Variants in RRM1 observed in about 807,000 individuals in gnomAD.
The protein encoded by RRM1 is ribonucleotide reductase catalytic subunit M1.
Under a neutral mutation model 101.5 loss-of-function variants are expected in RRM1, and 19 were observed. That is an observed-to-expected ratio of 0.19 (90% CI 0.13 to 0.27). The LOEUF (loss-of-function observed/expected upper bound fraction) is 0.27. Ranked by LOEUF, RRM1 falls within the 10% of genes least tolerant of loss-of-function variation. The pLI, the probability that RRM1 is intolerant of heterozygous loss-of-function variation, is 1.00. For synonymous variants in RRM1, 298 were observed against 323.4 expected (o/e 0.92, Z 0.84); for missense variants, 500 against 962.9 (o/e 0.52, Z 6.36).
chr11:4,118,489 G>A lies in RRM1; in HGVS notation c.792+28G>A. 1.9e-6 allele frequency: 3 copies of A among 1,613,102 alleles called. No homozygotes were observed. The South Asian group carries it at 3.3e-5, about 18-fold the overall frequency. On this transcript the variant is annotated intron_variant, in intron 8 of 18. Coordinates refer to ENST00000300738, the MANE Select transcript of RRM1 (RefSeq NM_001033.5). ...AGGTTTCTGCCATTTGACTTTTAAAGGGGGATTCAAGTCTAAAAGCAAACA... is the reference window on the plus strand; with the variant it reads ...AGGTTTCTGCCATTTGACTTTTAAAAGGGGATTCAAGTCTAAAAGCAAACA...
chr11:4,096,638 A>G (rs976547652), intron 1 of RRM1, among the ~76,000 whole-genome samples: 5 of 152,024 alleles, frequency 3.3e-5, no homozygotes, highest in African/African-American at 4.8e-5. Context: ...CTGAGCATCT[A>G]TTTTTGTATT....
chr11:4,120,202 T>G (rs1294165174), intron 9 of RRM1, among the ~76,000 whole-genome samples: 2 of 152,200 alleles, frequency 1.3e-5, no homozygotes, highest in Non-Finnish European at 2.9e-5. Context: ...TACCTTTACA[T>G]TCAGTCACCC....
intron 1 of RRM1, among the ~76,000 whole-genome samples, chr11:4,097,161 C>G (rs964990749): frequency 1.3e-5 from 2 of 151,156 alleles, no homozygotes; most frequent in African/African-American, 4.9e-5. Context: ...TGGTTTGCAC[C>G]TGTAATCCCA....
chr11:4,122,340 CTA>C (rs2094583019), intron 11 of RRM1, 120 bp downstream of exon 11: 2 of 708,378 alleles, frequency 2.8e-6, no homozygotes, highest in Admixed American at 6.4e-5. Flanking sequence ...GAAAAAGTGA[CTA>C]ATAATTTTGG....
intron 7 of RRM1, among the ~76,000 whole-genome samples, chr11:4,114,578 GC>G (rs2094570141): frequency 6.6e-6 from 1 of 151,290 alleles, no homozygotes; most frequent in Non-Finnish European, 1.5e-5. Context: ...GAATATGAAG[GC>G]CTAGTACATT....
Position 4,109,659 on chromosome 11 carries a change from A to G in RRM1, c.403A>G (p.Ile135Val). The G allele has an allele frequency of 6.2e-7, 1 of 1,609,768 alleles. No individual in the cohort carries two copies. Among genetic ancestry groups the G allele is most frequent in the Non-Finnish European group, 8.5e-7 (1 of 1,177,986 alleles). ...LANKDRLNSA[I>V]IYDRDFSYNY... ...CCCCTATCAGCGCCTGAATTCTGCT[A>G]TTATCTATGACCGAGATTTCTCTTA... is the stretch of plus-strand genomic sequence containing the variant. The change falls in exon 5 of 19, where the codon ATT (isoleucine) becomes GTT (valine). Residue 135 changes from isoleucine to valine, a missense_variant. Coordinates refer to ENST00000300738, the MANE Select transcript of RRM1 (RefSeq NM_001033.5).
rs5789320 is a variant in RRM1 at position 4,113,117 on chromosome 11, TAA to T, written c.650+1065_650+1066del. Reference sequence around the variant, plus strand: ...GAACACTAACGGTCTGGTAATACATTAAAAAAAAAAATATGCCATTATCAAGT... The same window carrying T: ...GAACACTAACGGTCTGGTAATACATTAAAAAAAAATATGCCATTATCAAGT... On this transcript the variant is annotated intron_variant, in intron 7 of 18. Coordinates refer to ENST00000300738, the MANE Select transcript of RRM1 (RefSeq NM_001033.5). Among the ~76,000 whole-genome samples the T allele has an allele frequency of 2.9e-3, 439 of 150,090 alleles. 2 individuals carry two copies. The highest frequency in any genetic ancestry group is 0.01 in the African/African-American group (413 of 40,910).
chr11:4,110,635 G>C (rs2094564051), intron 5 of RRM1, among the ~76,000 whole-genome samples: 1 of 151,642 alleles, frequency 6.6e-6, no homozygotes, highest in Non-Finnish European at 1.5e-5. Flanking sequence ...TGGGCATGGT[G>C]GTGCATGCCT....
At chr11:4,124,800 C>T (rs2094586912) in intron 12 of RRM1, among the ~76,000 whole-genome samples, 1 of 150,942 alleles carries the variant, frequency 6.6e-6, no homozygotes, top group Admixed American at 6.6e-5. Flanking sequence ...AGCTATAATT[C>T]ACTCTTTTTA....
chr11:4,117,057 C>A (rs2094574711), intron 7 of RRM1, among the ~76,000 whole-genome samples: 1 of 151,780 alleles, frequency 6.6e-6, no homozygotes, highest in Non-Finnish European at 1.5e-5. Flanking sequence ...GAAGAAGAAA[C>A]TTGATTGGCT....
intron 12 of RRM1, among the ~76,000 whole-genome samples, chr11:4,123,905 CA>C (rs1180971048): frequency 5.3e-5 from 8 of 152,124 alleles, no homozygotes; most frequent in African/African-American, 1.9e-4. Context: ...ATTCTAATCT[CA>C]AGTCTGTAAA....
chr11:4,108,671 G>C (rs1204436910), intron 4 of RRM1, among the ~76,000 whole-genome samples: 1 of 151,036 alleles, frequency 6.6e-6, no homozygotes, highest in African/African-American at 2.4e-5. Flanking sequence ...AAAGAGACTA[G>C]GAGAAAACTG....
chr11:4,117,162 C>G (rs561833696), intron 7 of RRM1, among the ~76,000 whole-genome samples: 1 of 152,280 alleles, frequency 6.6e-6, no homozygotes, highest in East Asian at 1.9e-4. Flanking sequence ...ATTCCAAGCA[C>G]TGATAAGAAT....
chr11:4,112,371 T>C (rs961016000), intron 7 of RRM1, among the ~76,000 whole-genome samples: 1 of 152,160 alleles, frequency 6.6e-6, no homozygotes, highest in African/African-American at 2.4e-5. Flanking sequence ...TTCCTTTTTT[T>C]TTTTGTTGTT....
At position 4,123,163 on chromosome 11, in the gene RRM1, A is replaced by T. The variant is rs1554975258; in HGVS notation, c.1119-20A>T. On this transcript the variant is annotated intron_variant, in intron 11 of 18. Coordinates refer to ENST00000300738, the MANE Select transcript of RRM1 (RefSeq NM_001033.5). ...TTTTTTAGGGAATATATATTAAATA[A>T]TATTATCTGTGCCTTTCAGTTATGA... is the stretch of plus-strand genomic sequence containing the variant. 4.4e-6 allele frequency: 7 copies of T among 1,596,438 alleles called. No individual in the cohort carries two copies. The highest frequency in any genetic ancestry group is 6.0e-6 in the Non-Finnish European group (7 of 1,165,908).
Position 4,126,928 on chromosome 11 carries a change from A to G in RRM1, c.1470+95A>G, listed in dbSNP as rs1270181166. ...CAAGTCATCATTTAAATGGTTATCA[A>G]TAAAATGGTTTGAGAAAAAGAGGTA... is the stretch of plus-strand genomic sequence containing the variant. On this transcript the variant is annotated intron_variant, in intron 13 of 18. Transcript: ENST00000300738. 6 of 1,424,606 alleles carry G rather than the reference A, an allele frequency of 4.2e-6. No individual in the cohort carries two copies. In the Admixed American group the frequency reaches 6.1e-5, roughly 14 times the overall value. 88.2% of individuals were successfully genotyped at this position (1,424,606 alleles called of 1,614,324 possible).
At chr11:4,116,997 CAGAA>C (rs1394837196) in intron 7 of RRM1, among the ~76,000 whole-genome samples, 1 of 150,664 alleles carries the variant, frequency 6.6e-6, no homozygotes, top group Non-Finnish European at 1.5e-5. Flanking sequence ...AAAAGAAAAA[CAGAA>C]AGCCAAATAG....
intron 7 of RRM1, 22 bp downstream of exon 7, chr11:4,112,084 A>G: frequency 6.2e-7 from 1 of 1,600,896 alleles, no homozygotes; most frequent in Non-Finnish European, 8.5e-7. Context: ...GAGTAGGGAA[A>G]TACGCCTTGA....
chr11:4,095,137 TC>T lies in RRM1; in HGVS notation c.19+109del, dbSNP rs1007124343. On this transcript the variant is annotated intron_variant, in intron 1 of 18. Coordinates refer to ENST00000300738, the MANE Select transcript of RRM1 (RefSeq NM_001033.5). ...GCCCGCCTTCGCTGCTTCCCGCCTT[TC>T]CCGCATTTCCCGCCGCGGCCTTCCG... is the stretch of plus-strand genomic sequence containing the variant. 7.5e-6 allele frequency: 10 copies of T among 1,329,580 alleles called. No homozygotes were observed. The African/African-American group carries it at 1.3e-4, about 17-fold the overall frequency. 82.4% of individuals were successfully genotyped at this position (1,329,580 alleles called of 1,614,324 possible). A position where few individuals can be genotyped will look rare whatever the true frequency, so the allele number is the denominator to read the frequency against.
Sources: gnomAD v4.1 joint callset for allele counts (sites outside exome capture counted in the v4.1 genomes callset) on GRCh38, gnomAD v4.1.1 for gene constraint, MANE v1.5 for transcripts, NCBI Gene and HGNC (gene_info 2026-07-23, HGNC 2026-07-21) for gene names.